The following CSMD1 variants were observed in gnomAD, a reference collection of about 807,000 sequenced individuals.
The protein encoded by CSMD1 is CUB and Sushi multiple domains 1.
CSMD1 carries 213 observed loss-of-function variants against 417.5 expected under a neutral mutation model. The observed-to-expected ratio is 0.51, with a 90% CI of 0.46 to 0.57. The LOEUF (loss-of-function observed/expected upper bound fraction) is 0.57, where lower values mean the gene tolerates loss of function less well. CSMD1 is among the 20% of genes least tolerant of loss of function. The probability of loss-of-function intolerance (pLI) is 0.00; values close to 1 mark genes in which losing one functional copy is unlikely to be tolerated. For missense variants in CSMD1, 6,923 were observed against 4,529.7 expected, an observed-to-expected ratio of 1.53 and a Z score of -15.17; for synonymous variants, 2,862 against 1,736.8, an observed-to-expected ratio of 1.65 and a Z score of -16.11.
chr8:3,411,045 T>C (rs1457170061), intron 12 of CSMD1, among the ~76,000 whole-genome samples: 1 of 152,026 alleles, frequency 6.6e-6, no homozygotes, highest in South Asian at 2.1e-4. Context: ...CAGAGGTGGT[T>C]TGGAGCAGAA....
chr8:3,540,927 G>A (rs914632047), intron 10 of CSMD1, among the ~76,000 whole-genome samples: 1 of 152,194 alleles, frequency 6.6e-6, no homozygotes, highest in Non-Finnish European at 1.5e-5. Context: ...TTACACTGTT[G>A]GTGGGAATGT....
intron 30 of CSMD1, among the ~76,000 whole-genome samples, chr8:3,212,911 C>T (rs1797696692): frequency 6.7e-6 from 1 of 150,046 alleles, no homozygotes. Flanking sequence ...CTTCCACAAC[C>T]TCTGCCTCCC....
At chr8:3,898,885 G>T (rs1057457489) in intron 5 of CSMD1, among the ~76,000 whole-genome samples, 18 of 152,226 alleles carry the variant, frequency 1.2e-4, no homozygotes, top group Non-Finnish European at 2.6e-4. Context: ...GGTCCCCTTA[G>T]GGGTTACAGT....
rs989809210 is a variant in CSMD1, at chr8:3,642,002, G to A, written c.1010-25205C>T. ...CAATCCTAAGAGATTAGCAGCCCCA[G>A]AAGCTAGGTTTCCCCCTCACCACAT... On this transcript the variant is annotated intron_variant, in intron 7 of 69. Coordinates refer to ENST00000635120, the MANE Select transcript of CSMD1 (RefSeq NM_033225.6). 2.6e-5 allele frequency among the ~76,000 whole-genome samples: 4 copies of A among 152,078 alleles called. No individual in the cohort carries two copies. The South Asian group carries it at 8.3e-4, about 32-fold the overall frequency.
In CSMD1 at chr8:4,917,606, C is replaced by T. The variant is rs11991785; in HGVS notation, c.85+76726G>A. On this transcript the variant is annotated intron_variant, in intron 1 of 69. Transcript: ENST00000635120. The stretch of plus-strand genomic sequence containing the variant: ...CCGAGATCATGCCACTGCACTCCAG[C>T]CTGGGCGACAGAGCGAGACTCCGTC... Among the ~76,000 whole-genome samples the T allele has an allele frequency of 8.9e-3, 1,358 of 152,192 alleles. 21 individuals are homozygous for T. Among genetic ancestry groups the T allele is most frequent in the African/African-American group, 0.031 (1,307 of 41,520 alleles).
At chr8:3,805,298 T>TC (rs1800670318) in intron 5 of CSMD1, among the ~76,000 whole-genome samples, 1 of 152,104 alleles carries the variant, frequency 6.6e-6, no homozygotes, top group Non-Finnish European at 1.5e-5. Flanking sequence ...AGCCACAGAT[T>TC]CCACCAGGAC....
chr8:4,723,194 G>A (rs1809179079), intron 1 of CSMD1, among the ~76,000 whole-genome samples: 2 of 152,108 alleles, frequency 1.3e-5, no homozygotes, highest in African/African-American at 4.8e-5. Flanking sequence ...GAACCCGCCA[G>A]GAAGTCATAG....
At position 3,421,031 on chromosome 8, in the gene CSMD1, A is replaced by C. The variant is rs190263293; in HGVS notation, c.1562-11426T>G. Among the ~76,000 whole-genome samples the C allele has an allele frequency of 1.3e-4, 20 of 152,326 alleles. No individual in the cohort carries two copies. In the East Asian group the frequency reaches 3.5e-3, roughly 26 times the overall value. ...AAAAAAGACACTAAAAGCTGTGTAA[A>C]GTTTTACTGTGGTGGTGGTCATTTT... is the stretch of plus-strand genomic sequence containing the variant. On this transcript the variant is annotated intron_variant, in intron 12 of 69. Coordinates refer to ENST00000635120, the MANE Select transcript of CSMD1 (RefSeq NM_033225.6).
At chr8:4,375,455 C>T (rs141962249) in intron 3 of CSMD1, among the ~76,000 whole-genome samples, 1 of 152,134 alleles carries the variant, frequency 6.6e-6, no homozygotes, top group Non-Finnish European at 1.5e-5. Context: ...GCTGTCCTCA[C>T]CCGTTTGTAG....
At chr8:3,303,111 G>C (rs1423324092) in intron 25 of CSMD1, among the ~76,000 whole-genome samples, 1 of 152,162 alleles carries the variant, frequency 6.6e-6, no homozygotes, top group Non-Finnish European at 1.5e-5. Flanking sequence ...TAAGGGAAGG[G>C]TCTATAGTGA....
rs544025465 is a variant in CSMD1 at position 3,087,262 on chromosome 8, G to C, written c.7309C>G (p.Pro2437Ala). 1 of 1,613,796 alleles carries C rather than the reference G, an allele frequency of 6.2e-7. No homozygotes were observed. The highest frequency in any genetic ancestry group is 8.5e-7 in the Non-Finnish European group (1 of 1,179,862). The change falls in exon 49 of 70, where the codon CCC (proline) becomes GCC (alanine). Residue 2437 changes from proline (P) to alanine (A), a missense_variant. Coordinates refer to ENST00000635120, the MANE Select transcript of CSMD1 (RefSeq NM_033225.6). ...TTTAGAATACCCCCATTCTTCAGGGGGTGGGTCAAACTGCAGTAAGGTGCT... is the reference window on the plus strand; with the variant it reads ...TTTAGAATACCCCCATTCTTCAGGGCGTGGGTCAAACTGCAGTAAGGTGCT... Reference protein sequence around the residue: ...YAAPYCSLTHPLKNGGILNRT... With the variant: ...YAAPYCSLTHALKNGGILNRT...
intron 7 of CSMD1, among the ~76,000 whole-genome samples, chr8:3,700,300 C>T (rs542977483): frequency 6.6e-6 from 1 of 152,072 alleles, no homozygotes; most frequent in East Asian, 1.9e-4. Context: ...TATACCTGCC[C>T]TCATGTAGTT....
chr8:4,955,801 C>A (rs1809067210), intron 1 of CSMD1, among the ~76,000 whole-genome samples: 1 of 75,020 alleles, frequency 1.3e-5, no homozygotes, highest in Non-Finnish European at 3.0e-5. Flanking sequence ...ACAGTACCTT[C>A]AAATTGGCCA....
Position 3,015,846 on chromosome 8 carries a change from G to T in CSMD1, c.8029+2631C>A, listed in dbSNP as rs188796619. ...AATAGCAAGACTGATAGGCGAGAGC[G>T]TGTCAGCATCCTGGCAGTACAGGAT... On this transcript the variant is annotated intron_variant, in intron 52 of 69. Transcript: ENST00000635120. 2.2e-4 allele frequency among the ~76,000 whole-genome samples: 33 copies of T among 152,248 alleles called. No individual in the cohort carries two copies. In the East Asian group the frequency reaches 6.2e-3, roughly 29 times the overall value.
chr8:4,803,826 T>G (rs1253279756), intron 1 of CSMD1, among the ~76,000 whole-genome samples: 1 of 152,216 alleles, frequency 6.6e-6, no homozygotes, highest in Non-Finnish European at 1.5e-5. Flanking sequence ...TAGAATATCC[T>G]TGACACAGTA....
Position 4,750,302 on chromosome 8 carries a change from G to A in CSMD1, c.86-112744C>T, listed in dbSNP as rs547158480. Among the ~76,000 whole-genome samples, 251 of 152,200 alleles carry A rather than the reference G, an allele frequency of 1.6e-3. 1 individual carries two copies. The highest frequency in any genetic ancestry group is 0.014 in the Middle Eastern group (4 of 294). Reference sequence around the variant, plus strand: ...GATTACAGGGTGAACCACCATGCCCGGCCCTGACTTTTACTTTTACTCACC... The same window carrying A: ...GATTACAGGGTGAACCACCATGCCCAGCCCTGACTTTTACTTTTACTCACC... On this transcript the variant is annotated intron_variant, in intron 1 of 69. Transcript: ENST00000635120.
intron 3 of CSMD1, among the ~76,000 whole-genome samples, chr8:4,081,046 G>T (rs374616722): frequency 3.9e-5 from 6 of 152,120 alleles, no homozygotes; most frequent in Non-Finnish European, 7.4e-5. Context: ...GGGACACAAA[G>T]TTCATCCCCT....
chr8:4,771,665 C>G (rs1354911931), intron 1 of CSMD1, among the ~76,000 whole-genome samples: 1 of 152,184 alleles, frequency 6.6e-6, no homozygotes, highest in Non-Finnish European at 1.5e-5. Context: ...CAAATTAAAA[C>G]ATACGCAAAG....
intron 7 of CSMD1, among the ~76,000 whole-genome samples, chr8:3,631,458 C>T (rs1796780228): frequency 6.6e-6 from 1 of 152,154 alleles, no homozygotes; most frequent in African/African-American, 2.4e-5. Flanking sequence ...CAAGAATAGG[C>T]AGATAAAACA....
Sources: gnomAD v4.1 joint callset for allele counts (sites outside exome capture counted in the v4.1 genomes callset) on GRCh38, gnomAD v4.1.1 for gene constraint, MANE v1.5 for transcripts, NCBI Gene and HGNC (gene_info 2026-07-23, HGNC 2026-07-21) for gene names.